The following DAPK1 variants were observed in gnomAD, a reference collection of about 807,000 sequenced individuals.
The protein encoded by DAPK1 is death associated protein kinase 1, also known as death-associated protein kinase 1.
Under a neutral mutation model 144.9 loss-of-function variants are expected in DAPK1, and 56 were observed. The observed-to-expected ratio is 0.39, with a 90% CI of 0.31 to 0.48. The LOEUF (loss-of-function observed/expected upper bound fraction) is 0.48, where lower values mean the gene tolerates loss of function less well. Ranked by LOEUF, DAPK1 falls within the 20% of genes least tolerant of loss-of-function variation. The pLI is 0.95. For synonymous variants in DAPK1, 690 were observed against 749.0 expected (o/e 0.92, Z 1.29); for missense variants, 1,454 against 1,875.4 (o/e 0.78, Z 4.15).
At position 87,698,739 on chromosome 9, in the gene DAPK1, G is replaced by A; in HGVS notation, c.2695G>A (p.Gly899Arg). The A allele has an allele frequency of 8.1e-6, 13 of 1,604,548 alleles. No individual in the cohort carries two copies. Among genetic ancestry groups the A allele is most frequent in the Non-Finnish European group, 1.1e-5 (13 of 1,171,244 alleles). The change falls in exon 23 of 26, where the codon GGA becomes AGA. Residue 899 changes from glycine to arginine, a missense_variant. This residue lies in a region of DAPK1 where 1,025 missense variants were observed against 1,237.9 expected (regional missense o/e 0.83). Coordinates refer to ENST00000408954, the MANE Select transcript of DAPK1 (RefSeq NM_004938.4). ...ADIMNVPRPA[G>R]GEFGYDKDTS... ...CATCATGAATGTTCCTCGACCGGCT[G>A]GAGGCGAGTTTGGATATGACAAAGA... is the stretch of plus-strand genomic sequence containing the variant.
intron 3 of DAPK1, among the ~76,000 whole-genome samples, chr9:87,630,768 G>T (rs1337182507): frequency 6.6e-6 from 1 of 152,138 alleles, no homozygotes; most frequent in Non-Finnish European, 1.5e-5. Context: ...TACCAGAGCT[G>T]GAAGGGCCTT....
At position 87,668,581 on chromosome 9, in the gene DAPK1, C is replaced by G; in HGVS notation, c.1924-16C>G. On this transcript the variant is annotated splice_polypyrimidine_tract_variant and intron_variant, in intron 18 of 25. Coordinates refer to ENST00000408954, the MANE Select transcript of DAPK1 (RefSeq NM_004938.4). ...CCTTTTCAGAGAAAAGAAACTAATG[C>G]ATTTTTCTCCAACAGGACGGAAAGA... The G allele has an allele frequency of 1.7e-6, 2 of 1,172,490 alleles. No homozygotes were observed. Among genetic ancestry groups the G allele is most frequent in the Non-Finnish European group, 2.6e-6 (2 of 775,926 alleles). 72.6% of individuals were successfully genotyped at this position (1,172,490 alleles called of 1,614,324 possible).
At chr9:87,696,008 A>G (rs867537387) in intron 21 of DAPK1, among the ~76,000 whole-genome samples, 3 of 152,134 alleles carry the variant, frequency 2.0e-5, no homozygotes, top group African/African-American at 7.2e-5. Context: ...TGTATTAAGG[A>G]TATGTGAGCC....
rs1275637482 is a variant in DAPK1, at chr9:87,647,290, T to C, written c.1231-15T>C. 11 of 1,611,046 alleles carry C rather than the reference T, an allele frequency of 6.8e-6. No individual in the cohort carries two copies. Among genetic ancestry groups the C allele is most frequent in the Non-Finnish European group, 9.3e-6 (11 of 1,177,478 alleles). On this transcript the variant is annotated splice_polypyrimidine_tract_variant and intron_variant, in intron 13 of 25. Transcript: ENST00000408954. ...AGCTCCCTAGAAATGTGACCCCAGG[T>C]TGATTTTCCTGCAGGGCGGGTCCAA...
chr9:87,499,466 A>C, intron 2 of DAPK1: 1 of 385,340 alleles, frequency 2.6e-6, no homozygotes, highest in Non-Finnish European at 4.7e-6. Context: ...TAAGATTATA[A>C]TTGCAATTGG....
chr9:87,535,364 C>T (rs1219681875), intron 2 of DAPK1, among the ~76,000 whole-genome samples: 1 of 152,020 alleles, frequency 6.6e-6, no homozygotes, highest in Admixed American at 6.6e-5. Flanking sequence ...GTGTTTAATT[C>T]TAGTATTTTA....
At chr9:87,524,450 AGCACAC>A (rs1229747717) in intron 2 of DAPK1, among the ~76,000 whole-genome samples, 1 of 152,202 alleles carries the variant, frequency 6.6e-6, no homozygotes, top group African/African-American at 2.4e-5. Context: ...AAAGTTGGGA[AGCACAC>A]GCTTGAGCCC....
chr9:87,603,303 T>C (rs3124237), intron 2 of DAPK1, among the ~76,000 whole-genome samples: 24,808 of 152,126 alleles, frequency 0.16, 2,830 homozygotes, highest in African/African-American at 0.32. Context: ...CTCAGAGAAA[T>C]TGGATTTTGG....
At chr9:87,593,198 C>G (rs1239076301) in intron 2 of DAPK1, among the ~76,000 whole-genome samples, 3 of 152,196 alleles carry the variant, frequency 2.0e-5, no homozygotes, top group Non-Finnish European at 4.4e-5. Context: ...GGCCACCCAA[C>G]TGCACTAAAT....
Position 87,688,855 on chromosome 9 carries a change from T to C in DAPK1, c.2413+2116T>C, listed in dbSNP as rs187915077. ...CTTAGATTATGCCTTTTTGGATGCA[T>C]AGTTTGTGAATATTTCCTCCCATTC... is the stretch of plus-strand genomic sequence containing the variant. On this transcript the variant is annotated intron_variant, in intron 21 of 25. Transcript: ENST00000408954. 1.1e-4 allele frequency among the ~76,000 whole-genome samples: 17 copies of C among 152,320 alleles called. No individual in the cohort carries two copies. In the East Asian group the frequency reaches 3.3e-3, roughly 29 times the overall value.
chr9:87,510,058 A>G (rs1323934840), intron 2 of DAPK1, among the ~76,000 whole-genome samples: 1 of 152,232 alleles, frequency 6.6e-6, no homozygotes, highest in African/African-American at 2.4e-5. Flanking sequence ...ATTCCATTAC[A>G]TACAGCCTCA....
chr9:87,648,931 G>GA, intron 15 of DAPK1, 52 bp downstream of exon 15: 1 of 1,482,902 alleles, frequency 6.7e-7, no homozygotes, highest in Non-Finnish European at 9.4e-7. Context: ...TGAATGTACA[G>GA]GCAGCCAGAT....
At chr9:87,650,547 G>A (rs765211309) in intron 16 of DAPK1, 9 of 206,344 alleles carry the variant, frequency 4.4e-5, no homozygotes, top group East Asian at 1.5e-4. Flanking sequence ...TGGCAATCTC[G>A]ATGCTAGACC....
chr9:87,520,789 A>G (rs549385403), intron 2 of DAPK1, among the ~76,000 whole-genome samples: 1 of 152,368 alleles, frequency 6.6e-6, no homozygotes, highest in East Asian at 1.9e-4. Flanking sequence ...GCGTACATAC[A>G]TAGGTATATA....
intron 2 of DAPK1, among the ~76,000 whole-genome samples, chr9:87,595,589 C>G (rs1003003279): frequency 6.6e-6 from 1 of 152,204 alleles, no homozygotes; most frequent in African/African-American, 2.4e-5. Context: ...TTCCTTGTCC[C>G]CACGTGCAAT....
chr9:87,694,087 G>A (rs1490343654), intron 21 of DAPK1, among the ~76,000 whole-genome samples: 3 of 152,140 alleles, frequency 2.0e-5, no homozygotes, highest in Non-Finnish European at 2.9e-5. Flanking sequence ...GTAGCAGTGG[G>A]CCAGGTGGGT....
chr9:87,701,579 C>T lies in DAPK1; in HGVS notation c.2871+1342C>T, dbSNP rs1464237480. Among the ~76,000 whole-genome samples the T allele has an allele frequency of 2.0e-5, 3 of 152,126 alleles. 1 individual carries two copies. Among genetic ancestry groups the T allele is most frequent in the South Asian group, 4.1e-4 (2 of 4,830 alleles). ...ACACCGTAATGTTCAAAAAGCTCTC[C>T]GGAATTGGTAAGAAAAGGGCGAGCG... On this transcript the variant is annotated intron_variant, in intron 24 of 25. Transcript: ENST00000408954.
intron 2 of DAPK1, among the ~76,000 whole-genome samples, chr9:87,570,983 A>G (rs1214447132): frequency 6.6e-6 from 1 of 152,198 alleles, no homozygotes; most frequent in Non-Finnish European, 1.5e-5. Context: ...TAGAAAAGTC[A>G]CTTGGTTTCA....
intron 2 of DAPK1, among the ~76,000 whole-genome samples, chr9:87,505,429 T>C (rs952055769): frequency 1.3e-5 from 2 of 152,244 alleles, no homozygotes; most frequent in Non-Finnish European, 2.9e-5. Flanking sequence ...GGAGTCTCAC[T>C]CTGTTGCCCA....
Sources: gnomAD v4.1 joint callset for allele counts (sites outside exome capture counted in the v4.1 genomes callset) on GRCh38, gnomAD v4.1.1 for gene constraint, gnomAD v4.1.1 regional missense constraint, MANE v1.5 for transcripts, NCBI Gene and HGNC (gene_info 2026-07-23, HGNC 2026-07-21) for gene names.